MYO3B: variants seen among roughly 807,000 people sequenced by gnomAD.
MYO3B encodes myosin-IIIb.
Under a neutral mutation model 174.6 loss-of-function variants are expected in MYO3B, and 156 were observed. That is an observed-to-expected ratio of 0.89 (90% confidence interval 0.78 to 1.02). MYO3B has a LOEUF of 1.02. Among genes scored for constraint, MYO3B ranks in the 50% least tolerant of loss-of-function variants. MYO3B has a pLI of 0.00. For missense variants in MYO3B, 1,632 were observed against 1,639.4 expected, an observed-to-expected ratio of 1.00 and a Z score of 0.08; for synonymous variants, 563 against 569.1, an observed-to-expected ratio of 0.99 and a Z score of 0.15.
intron 27 of MYO3B, among the ~76,000 whole-genome samples, chr2:170,501,446 C>T (rs866307320): frequency 1.3e-5 from 2 of 152,182 alleles, no homozygotes; most frequent in African/African-American, 4.8e-5. Flanking sequence ...ATCATATCCC[C>T]GAGTCTTGAA....
At chr2:170,267,233 C>T (rs528890055) in intron 7 of MYO3B, among the ~76,000 whole-genome samples, 1 of 152,318 alleles carries the variant, frequency 6.6e-6, no homozygotes, top group Non-Finnish European at 1.5e-5. Context: ...CAAGCAGACC[C>T]ATCATCTTGT....
chr2:170,584,762 AT>A (rs1163404169), intron 32 of MYO3B, among the ~76,000 whole-genome samples: 1 of 152,260 alleles, frequency 6.6e-6, no homozygotes, highest in African/African-American at 2.4e-5. Context: ...GCAACTTAGA[AT>A]TTCCAACATT....
At chr2:170,357,314 T>A (rs754800265) in intron 8 of MYO3B, among the ~76,000 whole-genome samples, 10 of 144,416 alleles carry the variant, frequency 6.9e-5, no homozygotes, top group South Asian at 2.2e-4. Context: ...TCAAAAAAAA[T>A]AAAAATAAAA....
intron 7 of MYO3B, among the ~76,000 whole-genome samples, chr2:170,323,333 G>T (rs1173128634): frequency 6.6e-6 from 1 of 152,224 alleles, no homozygotes; most frequent in Non-Finnish European, 1.5e-5. Context: ...CTTTGGATTT[G>T]CTTGCTAGTG....
rs1218477760 is a variant in MYO3B at position 170,513,756 on chromosome 2, T to C, written c.3371-1165T>C. Among the ~76,000 whole-genome samples, 5 of 152,162 alleles carry C rather than the reference T, an allele frequency of 3.3e-5. No homozygotes were observed. The East Asian group carries it at 9.6e-4, about 29-fold the overall frequency. On this transcript the variant is annotated intron_variant, in intron 28 of 34. Coordinates refer to ENST00000408978, the MANE Select transcript of MYO3B (RefSeq NM_138995.5). ...AGGGCCTGTGTCTCTTTAATTTACT[T>C]TGAGGCAGCTAGAAATGTTTATTTG...
In MYO3B at chr2:170,651,712, C is replaced by A; in HGVS notation, c.3818C>A (p.Thr1273Asn). Residue 1273 changes from threonine (T) to asparagine (N), a missense_variant, in exon 33 of 35, where the codon ACC (threonine) becomes AAC (asparagine). Coordinates refer to ENST00000408978, the MANE Select transcript of MYO3B (RefSeq NM_138995.5). ...AAAATGCTGAGTAGCCCTGAGGACA[C>A]CATGTACTATAACCAGTTAAATGTG... ...QPKMLSSPED[T>N]MYYNQLNGTL... is the part of the protein sequence containing the mutation. The A allele has an allele frequency of 6.2e-7, 1 of 1,614,036 alleles. No homozygotes were observed. The highest frequency in any genetic ancestry group is 8.5e-7 in the Non-Finnish European group (1 of 1,179,942).
intron 7 of MYO3B, among the ~76,000 whole-genome samples, chr2:170,250,565 C>T (rs1469825384): frequency 2.0e-5 from 3 of 152,198 alleles, no homozygotes; most frequent in East Asian, 1.9e-4. Context: ...TGTTACAGTG[C>T]GTTCCTTTAG....
At chr2:170,211,999 C>T (rs1019218953) in intron 3 of MYO3B, among the ~76,000 whole-genome samples, 4 of 151,142 alleles carry the variant, frequency 2.6e-5, no homozygotes, top group African/African-American at 9.7e-5. Flanking sequence ...ATCCCAGCAC[C>T]TTGGGAGGCC....
intron 8 of MYO3B, among the ~76,000 whole-genome samples, chr2:170,336,550 C>T (rs1404859451): frequency 6.6e-6 from 1 of 152,106 alleles, no homozygotes; most frequent in Admixed American, 6.6e-5. Flanking sequence ...AAAACCTAAC[C>T]TTATGTGAAC....
At chr2:170,475,310 G>A (rs1253039665) in intron 25 of MYO3B, among the ~76,000 whole-genome samples, 1 of 152,140 alleles carries the variant, frequency 6.6e-6, no homozygotes, top group East Asian at 1.9e-4. Flanking sequence ...GAGTGCAGTG[G>A]CATGATCATG....
chr2:170,225,913 C>T (rs1024609617), intron 6 of MYO3B, among the ~76,000 whole-genome samples: 3 of 152,194 alleles, frequency 2.0e-5, no homozygotes, highest in Non-Finnish European at 4.4e-5. Context: ...GCCCCTATGC[C>T]TACCTCTGCT....
Position 170,542,931 on chromosome 2 carries a change from A to G in MYO3B, c.3601A>G (p.Lys1201Glu). 2 of 1,609,952 alleles carry G rather than the reference A, an allele frequency of 1.2e-6. No homozygotes were observed. The highest frequency in any genetic ancestry group is 1.3e-5 in the African/African-American group (1 of 75,006). ...NGHSQAQSSP[K>E]GCDIFAGHAN... Reference sequence around the variant, plus strand: ...GCATTCACAAGCCCAGAGTTCTCCAAAAGGGTGCGATATCTTCGCAGGACA... The same window carrying G: ...GCATTCACAAGCCCAGAGTTCTCCAGAAGGGTGCGATATCTTCGCAGGACA... The change falls in exon 31 of 35, where the codon AAA (lysine) becomes GAA (glutamate). Residue 1201 changes from lysine to glutamate, a missense_variant. Physicochemically the swap from Lys to Glu is moderately conservative, Grantham distance 56 (BLOSUM62 1). Coordinates refer to ENST00000408978, the MANE Select transcript of MYO3B (RefSeq NM_138995.5).
At chr2:170,285,082 A>ACTATATCAT (rs1240631812) in intron 7 of MYO3B, among the ~76,000 whole-genome samples, 2 of 152,174 alleles carry the variant, frequency 1.3e-5, no homozygotes. Context: ...CTGTTATTGG[A>ACTATATCAT]CTATATCATA....
intron 5 of MYO3B, 34 bp from the exon 6 acceptor site, chr2:170,217,285 C>T (rs1403296772): frequency 1.3e-6 from 2 of 1,592,536 alleles, no homozygotes; most frequent in African/African-American, 1.3e-5. Flanking sequence ...TCATACTTTG[C>T]TCACTTTTGA....
At chr2:170,434,047 T>G (rs2094731558) in intron 22 of MYO3B, among the ~76,000 whole-genome samples, 1 of 152,228 alleles carries the variant, frequency 6.6e-6, no homozygotes, top group Non-Finnish European at 1.5e-5. Context: ...TGATCTCCTT[T>G]TCTTGGCTTC....
At chr2:170,604,238 A>G (rs1559152257) in intron 32 of MYO3B, among the ~76,000 whole-genome samples, 1 of 152,206 alleles carries the variant, frequency 6.6e-6, no homozygotes. Flanking sequence ...GAGTGTGTAA[A>G]TATGCTCACA....
At chr2:170,446,541 G>T (rs1421097945) in intron 23 of MYO3B, among the ~76,000 whole-genome samples, 4 of 152,058 alleles carry the variant, frequency 2.6e-5, no homozygotes, top group Non-Finnish European at 5.9e-5. Flanking sequence ...AATGACTAAA[G>T]ATTTGTTTTC....
At chr2:170,631,595 A>G (rs1351265580) in intron 32 of MYO3B, among the ~76,000 whole-genome samples, 2 of 151,904 alleles carry the variant, frequency 1.3e-5, no homozygotes, top group East Asian at 1.9e-4. Flanking sequence ...TCCAAGACAC[A>G]TAATTGTCAG....
At position 170,501,004 on chromosome 2, in the gene MYO3B, C is replaced by T. The variant is rs61250925; in HGVS notation, c.3290-781C>T. ...GATGATTTCCCTTATGCTCTCATAA[C>T]CCAGAATCCTCATGTGGCTCAGTCT... On this transcript the variant is annotated intron_variant, in intron 27 of 34. Transcript: ENST00000408978. 4.6e-5 allele frequency among the ~76,000 whole-genome samples: 7 copies of T among 152,304 alleles called. No individual in the cohort carries two copies. The East Asian group carries it at 5.8e-4, about 13-fold the overall frequency.
Sources: gnomAD v4.1 joint callset for allele counts (sites outside exome capture counted in the v4.1 genomes callset) on GRCh38, gnomAD v4.1.1 for gene constraint, MANE v1.5 for transcripts, NCBI Gene and HGNC (gene_info 2026-07-23, HGNC 2026-07-21) for gene names.